PAPSS1: variants seen among roughly 807,000 people sequenced by gnomAD.
PAPSS1 encodes the protein bifunctional 3'-phosphoadenosine 5'-phosphosulfate synthase 1.
A neutral mutation model predicts 72.0 loss-of-function variants in PAPSS1; 50 were observed. The ratio of observed to expected loss-of-function variants is 0.69; its 90% CI spans 0.55 to 0.88. The LOEUF (loss-of-function observed/expected upper bound fraction) is 0.88, where lower values mean the gene tolerates loss of function less well. Ranked by LOEUF, PAPSS1 falls within the 40% of genes least tolerant of loss-of-function variation. The probability of loss-of-function intolerance (pLI) is 0.00; values close to 1 mark genes in which losing one functional copy is unlikely to be tolerated. For synonymous variants in PAPSS1, 261 were observed against 263.6 expected (o/e 0.99, Z 0.09); for missense variants, 657 against 782.2 (o/e 0.84, Z 1.91).
At chr4:107,643,306 G>C (rs1478218992) in intron 10 of PAPSS1, among the ~76,000 whole-genome samples, 1 of 152,184 alleles carries the variant, frequency 6.6e-6, no homozygotes, top group Non-Finnish European at 1.5e-5. Flanking sequence ...TGCTTCTGTT[G>C]AAAGGAGCAG....
intron 1 of PAPSS1, chr4:107,718,487 C>T (rs1434315035): frequency 1.3e-5 from 2 of 152,282 alleles, no homozygotes; most frequent in Non-Finnish European, 2.9e-5. Context: ...CATAAACCCT[C>T]CCAAAACGCC....
intron 11 of PAPSS1, among the ~76,000 whole-genome samples, chr4:107,619,809 C>T (rs1725910962): frequency 6.6e-6 from 1 of 152,128 alleles, no homozygotes; most frequent in Non-Finnish European, 1.5e-5. Context: ...CACTTGGTTA[C>T]AGATTCTTAT....
At chr4:107,719,845 G>C in intron 1 of PAPSS1, 1 of 1,331,568 alleles carries the variant, frequency 7.5e-7, no homozygotes, top group Non-Finnish European at 9.6e-7. Flanking sequence ...GGTCTTACCT[G>C]AGCGGAGGCG....
intron 11 of PAPSS1, among the ~76,000 whole-genome samples, chr4:107,626,354 A>G (rs1427263280): frequency 6.6e-6 from 1 of 152,144 alleles, no homozygotes; most frequent in Admixed American, 6.6e-5. Flanking sequence ...CTATTTCACT[A>G]ATCTGAATAA....
chr4:107,703,025 T>A (rs1373001816), intron 1 of PAPSS1, among the ~76,000 whole-genome samples: 1 of 152,208 alleles, frequency 6.6e-6, no homozygotes, highest in East Asian at 1.9e-4. Flanking sequence ...GTCTTTTTTA[T>A]AACAGCCATT....
At chr4:107,699,902 T>C (rs1723165578) in intron 2 of PAPSS1, among the ~76,000 whole-genome samples, 1 of 152,210 alleles carries the variant, frequency 6.6e-6, no homozygotes, top group Non-Finnish European at 1.5e-5. Context: ...TTGCAAAAAT[T>C]ATTTAACAAT....
At chr4:107,686,080 G>A (rs1722778580) in intron 4 of PAPSS1, among the ~76,000 whole-genome samples, 1 of 152,204 alleles carries the variant, frequency 6.6e-6, no homozygotes, top group Non-Finnish European at 1.5e-5. Context: ...ATGTCTACAA[G>A]ATAAATAGTA....
intron 5 of PAPSS1, among the ~76,000 whole-genome samples, chr4:107,680,980 G>A (rs1297333229): frequency 6.6e-6 from 1 of 151,932 alleles, no homozygotes; most frequent in Non-Finnish European, 1.5e-5. Flanking sequence ...AAATTAGGAA[G>A]GAAAGTCCCA....
At chr4:107,651,943 A>G (rs574185760) in intron 9 of PAPSS1, among the ~76,000 whole-genome samples, 4 of 152,300 alleles carry the variant, frequency 2.6e-5, no homozygotes, top group African/African-American at 9.6e-5. Context: ...ATTTCCCCAC[A>G]AACACAACTG....
intron 2 of PAPSS1, among the ~76,000 whole-genome samples, chr4:107,698,140 G>A (rs1234594977): frequency 6.6e-6 from 1 of 151,980 alleles, no homozygotes; most frequent in Admixed American, 6.6e-5. Flanking sequence ...AACCAATGTA[G>A]AAACACAAAA....
At chr4:107,686,007 T>C (rs934083770) in intron 4 of PAPSS1, among the ~76,000 whole-genome samples, 6 of 152,198 alleles carry the variant, frequency 3.9e-5, no homozygotes, top group Non-Finnish European at 7.3e-5. Context: ...TTTGTTTTTG[T>C]TTTGTTTTTG....
chr4:107,623,135 C>T (rs571243919), intron 11 of PAPSS1, among the ~76,000 whole-genome samples: 2 of 152,144 alleles, frequency 1.3e-5, no homozygotes, highest in Non-Finnish European at 2.9e-5. Flanking sequence ...TTTTGGGTCA[C>T]TTTTATAACT....
intron 5 of PAPSS1, among the ~76,000 whole-genome samples, chr4:107,677,223 G>C (rs943865794): frequency 2.0e-4 from 30 of 152,246 alleles, no homozygotes; most frequent in African/African-American, 6.7e-4. Flanking sequence ...CACAGCAAAA[G>C]AAACTACCAT....
At position 107,645,205 on chromosome 4, in the gene PAPSS1, T is replaced by TAAA. The variant is rs142724086; in HGVS notation, c.1238-138_1238-136dup. ...GCAAACTCAGAAATCAGAAAACTGG[T>TAAA]AAAAAAAAAAAAAAAAAGTACTGCT... On this transcript the variant is annotated intron_variant, in intron 9 of 11. Coordinates refer to ENST00000265174, the MANE Select transcript of PAPSS1 (RefSeq NM_005443.5). 1,321 of 403,826 alleles carry TAAA rather than the reference T, an allele frequency of 3.3e-3. 14 individuals are homozygous for TAAA. Among genetic ancestry groups the TAAA allele is most frequent in the African/African-American group, 0.021 (955 of 44,422 alleles). The allele number at this position is 403,826 out of a possible 1,614,324, so 25.0% of individuals were successfully genotyped here.
chr4:107,615,439 T>C (rs558041221), intron 11 of PAPSS1, among the ~76,000 whole-genome samples: 1 of 152,260 alleles, frequency 6.6e-6, no homozygotes, highest in South Asian at 2.1e-4. Context: ...GGTGCAATCA[T>C]AAACTACCAA....
At chr4:107,661,818 A>G (rs1727190208) in intron 5 of PAPSS1, among the ~76,000 whole-genome samples, 1 of 152,192 alleles carries the variant, frequency 6.6e-6, no homozygotes, top group Non-Finnish European at 1.5e-5. Context: ...TAGAAAAAAA[A>G]GGCAGATATG....
chr4:107,670,564 G>C (rs758231885), intron 5 of PAPSS1, among the ~76,000 whole-genome samples: 27 of 151,888 alleles, frequency 1.8e-4, no homozygotes, highest in Non-Finnish European at 3.5e-4. Flanking sequence ...TTTCAGACAG[G>C]GTCTCACTCT....
intron 5 of PAPSS1, among the ~76,000 whole-genome samples, chr4:107,664,597 T>G (rs951340665): frequency 2.0e-5 from 3 of 152,002 alleles, no homozygotes; most frequent in African/African-American, 7.3e-5. Context: ...AAATAAGAAC[T>G]CTGCACTAAC....
chr4:107,646,661 T>C (rs185460494), intron 9 of PAPSS1, among the ~76,000 whole-genome samples: 2 of 152,226 alleles, frequency 1.3e-5, no homozygotes, highest in East Asian at 3.9e-4. Context: ...AAAGCCACAC[T>C]ATGACAACAG....
Sources: allele counts gnomAD v4.1 joint callset (sites outside exome capture counted in the v4.1 genomes callset), GRCh38; gene constraint gnomAD v4.1.1; transcripts MANE v1.5; gene names NCBI Gene and HGNC (gene_info 2026-07-23, HGNC 2026-07-21).